Variants in ASIC2 observed in about 807,000 individuals in gnomAD.
The protein encoded by ASIC2 is acid sensing ion channel subunit 2, also known as acid-sensing ion channel 2.
ASIC2 carries 25 observed loss-of-function variants against 57.3 expected under a neutral mutation model. The ratio of observed to expected loss-of-function variants is 0.44; its 90% CI spans 0.32 to 0.61. ASIC2 has a LOEUF of 0.61. Ranked by LOEUF, ASIC2 falls within the 20% of genes least tolerant of loss-of-function variation. ASIC2 has a pLI of 0.06. For synonymous variants in ASIC2, 319 were observed against 307.5 expected, an observed-to-expected ratio of 1.04 and a Z score of -0.39; for missense variants, 641 against 738.1, an observed-to-expected ratio of 0.87 and a Z score of 1.52.
chr17:33,187,993 G>T (rs1483986167), intron 1 of ASIC2, among the ~76,000 whole-genome samples: 2 of 150,092 alleles, frequency 1.3e-5, no homozygotes, highest in African/African-American at 2.4e-5. Context: ...TCAATCCACA[G>T]AAATAGACAT....
intron 1 of ASIC2, among the ~76,000 whole-genome samples, chr17:33,694,897 C>T: frequency 6.6e-6 from 1 of 152,084 alleles, no homozygotes; most frequent in South Asian, 2.1e-4. Context: ...CCTCTTGTTC[C>T]CCGTCTCACT....
Position 34,077,077 on chromosome 17 carries a change from GGTCCTGTGA to G in ASIC2, c.555+78892_555+78900del, listed in dbSNP as rs1449515153. On this transcript the variant is annotated intron_variant, in intron 1 of 9. Coordinates refer to the ASIC2 transcript ENST00000359872. ...AGAAGTGATGTAATTTGCCCAAGAT[GGTCCTGTGA>G]GTAAGGGAGTACCTGGGATTCGGAT... is the stretch of plus-strand genomic sequence containing the variant. 2.0e-5 allele frequency among the ~76,000 whole-genome samples: 3 copies of G among 152,214 alleles called. 1 individual carries two copies. Among genetic ancestry groups the G allele is most frequent in the Admixed American group, 2.0e-4 (3 of 15,280 alleles).
At chr17:33,389,968 G>C (rs1004549532) in intron 1 of ASIC2, among the ~76,000 whole-genome samples, 3 of 152,214 alleles carry the variant, frequency 2.0e-5, no homozygotes, top group Admixed American at 1.3e-4. Flanking sequence ...AAGAATCACG[G>C]CCTGCTGAGG....
At chr17:33,699,605 T>G (rs1185881518) in intron 1 of ASIC2, among the ~76,000 whole-genome samples, 1 of 152,204 alleles carries the variant, frequency 6.6e-6, no homozygotes, top group African/African-American at 2.4e-5. Context: ...ACAGCTCATC[T>G]ACATGTCTCC....
chr17:34,005,542 C>T (rs1459884079), intron 1 of ASIC2: 1 of 152,196 alleles, frequency 6.6e-6, no homozygotes, highest in Non-Finnish European at 1.5e-5. Flanking sequence ...TCAAAAGCTC[C>T]TCTATACACA....
chr17:33,464,528 CTTTCTTTCTTTCTCTTTCTT>C (rs1597737622), intron 1 of ASIC2, among the ~76,000 whole-genome samples: 2 of 35,894 alleles, frequency 5.6e-5, no homozygotes, highest in South Asian at 1.1e-3. Flanking sequence ...TTCTTTCTTT[CTTTCTTTCTTTCTCTTTCTT>C]TCTTTCTTTC....
chr17:34,116,300 G>A (rs1027141622), intron 1 of ASIC2, among the ~76,000 whole-genome samples: 21 of 152,054 alleles, frequency 1.4e-4, no homozygotes, highest in Middle Eastern at 3.2e-3. Flanking sequence ...CTGCATAATG[G>A]GAACAATAAT....
upstream of ASIC2, among the ~76,000 whole-genome samples, chr17:33,297,907 T>C (rs890193296): frequency 1.3e-5 from 2 of 149,668 alleles, no homozygotes; most frequent in Non-Finnish European, 3.0e-5. Context: ...TGGGCTTTTG[T>C]GGGGGTAACT....
intron 1 of ASIC2, among the ~76,000 whole-genome samples, chr17:33,845,443 A>T (rs1368444344): frequency 3.9e-5 from 6 of 152,292 alleles, no homozygotes; most frequent in African/African-American, 1.4e-4. Flanking sequence ...AGTGGGTGGT[A>T]AGAGAGCAGC....
intron 1 of ASIC2, among the ~76,000 whole-genome samples, chr17:33,880,861 A>G (rs1169130689): frequency 1.3e-5 from 2 of 152,246 alleles, no homozygotes; most frequent in Admixed American, 1.3e-4. Context: ...AAAATCCTCA[A>G]TAAAATACTG....
chr17:33,785,548 A>G (rs1050897086), intron 1 of ASIC2, among the ~76,000 whole-genome samples: 1 of 152,166 alleles, frequency 6.6e-6, no homozygotes, highest in African/African-American at 2.4e-5. Flanking sequence ...TGTTGAGCCA[A>G]TGCCCTTACT....
At chr17:33,793,238 T>C (rs190290795) in intron 1 of ASIC2, among the ~76,000 whole-genome samples, 6 of 152,382 alleles carry the variant, frequency 3.9e-5, no homozygotes, top group Admixed American at 2.6e-4. Flanking sequence ...TAAATAGCCA[T>C]GCACATATAA....
At chr17:33,579,302 AAAT>A (rs1916787374) in intron 1 of ASIC2, among the ~76,000 whole-genome samples, 1 of 151,402 alleles carries the variant, frequency 6.6e-6, no homozygotes, top group African/African-American at 2.4e-5. Context: ...AAAAAAAAAA[AAAT>A]GCAGGTGGGT....
At chr17:33,589,052 A>G (rs1904740823) in intron 1 of ASIC2, among the ~76,000 whole-genome samples, 1 of 152,272 alleles carries the variant, frequency 6.6e-6, no homozygotes, top group African/African-American at 2.4e-5. Context: ...AAATAAACAT[A>G]TACTATACAT....
intron 2 of ASIC2, among the ~76,000 whole-genome samples, chr17:33,104,595 C>T (rs561009626): frequency 7.2e-5 from 11 of 152,296 alleles, no homozygotes; most frequent in African/African-American, 1.4e-4. Context: ...CGTGGGACTG[C>T]GCTAAAGCTT....
intron 1 of ASIC2, among the ~76,000 whole-genome samples, chr17:33,799,873 C>A (rs1912081488): frequency 6.6e-6 from 1 of 152,156 alleles, no homozygotes; most frequent in African/African-American, 2.4e-5. Context: ...GCACGGCCAA[C>A]CACTGCAGAC....
intron 1 of ASIC2, among the ~76,000 whole-genome samples, chr17:34,086,661 T>C (rs1910122904): frequency 1.3e-5 from 2 of 152,202 alleles, no homozygotes; most frequent in Non-Finnish European, 2.9e-5. Flanking sequence ...CCATTATTAA[T>C]GTGTGGGACT....
chr17:33,335,014 T>C (rs969662296), intron 1 of ASIC2, among the ~76,000 whole-genome samples: 15 of 152,242 alleles, frequency 9.9e-5, no homozygotes, highest in African/African-American at 3.6e-4. Flanking sequence ...GCCAGTTATT[T>C]GCTAGTTCTC....
intron 1 of ASIC2, among the ~76,000 whole-genome samples, chr17:33,416,311 T>G (rs1296802052): frequency 6.6e-6 from 1 of 152,228 alleles, no homozygotes; most frequent in African/African-American, 2.4e-5. Flanking sequence ...CTGAACAAAT[T>G]GACCAAGCTT....
Sources: gnomAD v4.1 joint callset for allele counts (sites outside exome capture counted in the v4.1 genomes callset) on GRCh38, gnomAD v4.1.1 for gene constraint, MANE v1.5 for transcripts, NCBI Gene and HGNC (gene_info 2026-07-23, HGNC 2026-07-21) for gene names.